Variants in DNAH1 observed in about 807,000 individuals in gnomAD.
DNAH1 encodes the protein dynein axonemal heavy chain 1.
Under a neutral mutation model 484.3 loss-of-function variants are expected in DNAH1, and 327 were observed. The observed-to-expected ratio is 0.68, with a 90% CI of 0.62 to 0.74. DNAH1 has a LOEUF of 0.74. Among genes scored for constraint, DNAH1 ranks in the 30% least tolerant of loss-of-function variants. The pLI, the probability that DNAH1 is intolerant of heterozygous loss-of-function variation, is 0.00. For synonymous variants in DNAH1, 2,192 were observed against 2,191.9 expected, an observed-to-expected ratio of 1.00 and a Z score of 0.00; for missense variants, 5,052 against 5,546.8, an observed-to-expected ratio of 0.91 and a Z score of 2.83.
chr3:52,373,731 G>C, intron 44 of DNAH1: 1 of 1,382,804 alleles, frequency 7.2e-7, no homozygotes, highest in Admixed American at 1.7e-5. Flanking sequence ...CTTTGTTTCT[G>C]ATCCACTAAG....
At chr3:52,341,341 C>A (rs138057902) in intron 8 of DNAH1, among the ~76,000 whole-genome samples, 304 of 152,114 alleles carry the variant, frequency 2.0e-3, no homozygotes, top group African/African-American at 7.1e-3. Context: ...CTTGTGCAAG[C>A]GATTTATGAA....
Position 52,353,872 on chromosome 3 carries a change from G to T in DNAH1, c.3480+239G>T. 1 of 568,356 alleles carries T rather than the reference G, an allele frequency of 1.8e-6. No homozygotes were observed. Among genetic ancestry groups the T allele is most frequent in the Non-Finnish European group, 3.1e-6 (1 of 326,592 alleles). The allele number at this position is 568,356 out of a possible 1,614,324, so 35.2% of individuals were successfully genotyped here. On this transcript the variant is annotated intron_variant, in intron 20 of 77. Transcript: ENST00000420323. This position sits in a 1 kb window ranked among gnomAD's most constrained non-coding sequence, Gnocchi z 5.0. ...TACTCCTCTCAAGAGCCCCAGGAAG[G>T]AGCTAATAGCATTAGCCTCAATTTA...
At chr3:52,324,598 T>G (rs1490825901) in intron 3 of DNAH1, among the ~76,000 whole-genome samples, 1 of 151,932 alleles carries the variant, frequency 6.6e-6, no homozygotes, top group Non-Finnish European at 1.5e-5. Context: ...ACCTGGCTCC[T>G]TCCTGCCGCT....
rs74762885 is a variant in DNAH1 at position 52,322,110 on chromosome 3, G to A, written c.-34-299G>A. Among the ~76,000 whole-genome samples the A allele has an allele frequency of 0.012, 1,795 of 152,256 alleles. 17 individuals carry two copies. Among genetic ancestry groups the A allele is most frequent in the South Asian group, 0.033 (161 of 4,818 alleles). ...AAATGGGGGAGAGGGGTGGACAAGT[G>A]CAGTCGCATGCATGGGTTGGGGGCA... On this transcript the variant is annotated intron_variant, in intron 1 of 77. Coordinates refer to ENST00000420323, the MANE Select transcript of DNAH1 (RefSeq NM_015512.5).
chr3:52,322,389 A>T lies in DNAH1; in HGVS notation c.-34-20A>T. 1 of 1,541,290 alleles carries T rather than the reference A, an allele frequency of 6.5e-7. No homozygotes were observed. The highest frequency in any genetic ancestry group is 8.7e-7 in the Non-Finnish European group (1 of 1,145,042). On this transcript the variant is annotated intron_variant, in intron 1 of 77. Transcript: ENST00000420323. ...GACAGAGGCTGGCAAGGGCTGACTG[A>T]CGCTGGGTTCTTCTCCTAGGAGCTT...
rs755991808 is a variant in DNAH1 at position 52,362,469 on chromosome 3, G to A, written c.5062G>A (p.Ala1688Thr). ...AVFITMNPGY[A>T]GRTELPDNLK... ...GTTTATCACCATGAACCCGGGCTACGCTGGCCGCACGGAGCTGCCTGACAA... is the reference window on the plus strand; with the variant it reads ...GTTTATCACCATGAACCCGGGCTACACTGGCCGCACGGAGCTGCCTGACAA... The change falls in exon 31 of 78, where the codon GCT (alanine) becomes ACT (threonine). Residue 1688 changes from alanine to threonine, a missense_variant. By Grantham distance (58) the Ala-to-Thr change is moderately conservative. Transcript: ENST00000420323. The surrounding 1 kb of genome is among the most constrained non-coding windows in gnomAD (Gnocchi z 5.1). 34 of 1,613,786 alleles carry A rather than the reference G, an allele frequency of 2.1e-5. No homozygotes were observed. The Admixed American group carries it at 4.0e-4, about 19-fold the overall frequency.
In DNAH1 at chr3:52,399,589, A is replaced by G. The variant is rs760175479; in HGVS notation, c.12486A>G (p.Val4162=). The G allele has an allele frequency of 6.2e-7, 1 of 1,613,770 alleles. No individual in the cohort carries two copies. Among genetic ancestry groups the G allele is most frequent in the African/African-American group, 1.3e-5 (1 of 74,934 alleles). ...APSELTQRPQ[V]GCYIHGLFLE... ...CAGAGTTAACACAAAGACCCCAAGT[A>G]GGGTGCTATATCCATGGATTATTCC... The change falls in exon 77 of 78, where the codon GTA becomes GTG. Residue 4162 remains valine, a synonymous_variant. Transcript: ENST00000420323.
chr3:52,317,285 G>A (rs747887874), intron 1 of DNAH1, among the ~76,000 whole-genome samples: 2 of 152,164 alleles, frequency 1.3e-5, no homozygotes, highest in Non-Finnish European at 2.9e-5. Context: ...CCCATGCCAG[G>A]TGCTGAGAGC....
At chr3:52,319,886 T>TC (rs1399194896) in intron 1 of DNAH1, among the ~76,000 whole-genome samples, 4 of 151,852 alleles carry the variant, frequency 2.6e-5, no homozygotes, top group African/African-American at 4.8e-5. Flanking sequence ...CCTCGGTGCA[T>TC]CCCCCCCACT....
intron 36 of DNAH1, among the ~76,000 whole-genome samples, chr3:52,367,970 G>T (rs1052735273): frequency 6.6e-6 from 1 of 152,228 alleles, no homozygotes; most frequent in East Asian, 1.9e-4. Context: ...TAAGGGGAGA[G>T]ACTGGGCTCT....
Position 52,391,568 on chromosome 3 carries a change from C to A in DNAH1, c.10017C>A (p.Thr3339=), listed in dbSNP as rs1200988396. The A allele has an allele frequency of 6.2e-7, 1 of 1,613,890 alleles. No homozygotes were observed. The highest frequency in any genetic ancestry group is 8.5e-7 in the Non-Finnish European group (1 of 1,179,856). ...PNPHYTPEIS[T]KLTLINFTLS... is the part of the protein sequence containing the mutation. ...CACACTACACGCCCGAGATCTCCACCAAACTCACCCTCATCAACTTCACCC... is the reference window on the plus strand; with the variant it reads ...CACACTACACGCCCGAGATCTCCACAAAACTCACCCTCATCAACTTCACCC... Residue 3339 remains threonine (T), a synonymous_variant, in exon 63 of 78, where the codon ACC becomes ACA. Coordinates refer to ENST00000420323, the MANE Select transcript of DNAH1 (RefSeq NM_015512.5).
intron 8 of DNAH1, among the ~76,000 whole-genome samples, chr3:52,339,754 C>T (rs1701863903): frequency 6.6e-6 from 1 of 151,750 alleles, no homozygotes; most frequent in Non-Finnish European, 1.5e-5. Context: ...CAGTATTGCA[C>T]ATTAGTTTTT....
At chr3:52,321,323 T>C (rs1394242929) in intron 1 of DNAH1, among the ~76,000 whole-genome samples, 104 of 151,120 alleles carry the variant, frequency 6.9e-4, no homozygotes, top group African/African-American at 2.4e-3. Context: ...ACTGTGTTGG[T>C]CAGGCTGGTC....
upstream of DNAH1, among the ~76,000 whole-genome samples, chr3:52,313,749 C>T (rs576690518): frequency 7.9e-5 from 12 of 152,234 alleles, 1 homozygote; most frequent in African/African-American, 1.7e-4. Context: ...ACATTCGCTC[C>T]TGGAGGTCTG....
Position 52,384,989 on chromosome 3 carries a change from CG to C in DNAH1, c.8514+13del. The C allele has an allele frequency of 1.2e-6, 2 of 1,607,454 alleles. No homozygotes were observed. The highest frequency in any genetic ancestry group is 1.7e-6 in the Non-Finnish European group (2 of 1,176,756). Reference sequence around the variant, plus strand: ...GCGGCCTCGACAAGGTGGGCCCAGGCGAGTCCCCGTGGACAAGGTCAGCTGC... The same window carrying C: ...GCGGCCTCGACAAGGTGGGCCCAGGCAGTCCCCGTGGACAAGGTCAGCTGC... On this transcript the variant is annotated intron_variant, in intron 53 of 77. Coordinates refer to ENST00000420323, the MANE Select transcript of DNAH1 (RefSeq NM_015512.5).
chr3:52,366,636 C>A, intron 35 of DNAH1, 88 bp downstream of exon 35: 1 of 1,552,390 alleles, frequency 6.4e-7, no homozygotes, highest in South Asian at 1.2e-5. Flanking sequence ...TCCATTTGTG[C>A]CCCTTGGCAT....
rs1184909940 is a variant in DNAH1 at position 52,355,107 on chromosome 3, C to T, written c.3693+52C>T. ...CATCGCTCCCCCACTTCAGAGAGCCCGACCCACAGGTGTCACTGATGGTCT... is the reference window on the plus strand; with the variant it reads ...CATCGCTCCCCCACTTCAGAGAGCCTGACCCACAGGTGTCACTGATGGTCT... On this transcript the variant is annotated intron_variant, in intron 21 of 77. Transcript: ENST00000420323. This position sits in a 1 kb window ranked among gnomAD's most constrained non-coding sequence, Gnocchi z 4.5. The T allele has an allele frequency of 7.0e-6, 11 of 1,563,892 alleles. No individual in the cohort carries two copies. The highest frequency in any genetic ancestry group is 6.7e-5 in the East Asian group (3 of 44,632).
chr3:52,383,758 C>A, intron 51 of DNAH1, 102 bp from the exon 52 acceptor site: 1 of 1,442,176 alleles, frequency 6.9e-7, no homozygotes, highest in East Asian at 2.4e-5. Flanking sequence ...GCTGCTGTGT[C>A]CTGGCTGCCA....
chr3:52,394,591 T>C lies in DNAH1; in HGVS notation c.10753T>C (p.Ser3585Pro). Residue 3585 changes from serine to proline, a missense_variant, in exon 67 of 78, where the codon TCC becomes CCC. This residue lies in a region of DNAH1 where 853 missense variants were observed against 899.0 expected (regional missense o/e 0.95). Transcript: ENST00000420323. ...ACTCTCGAACCTGCCAACCTTTTCC[T>C]CCTTCTCTTCCGACTTCGTGAAGCA... The part of the protein sequence containing the change: ...LALSNLPTFS[S>P]FSSDFVKHLS... 6.2e-7 allele frequency: 1 copy of C among 1,609,694 alleles called. No homozygotes were observed. Among genetic ancestry groups the C allele is most frequent in the East Asian group, 2.2e-5 (1 of 44,806 alleles).
Sources: gnomAD v4.1 joint callset for allele counts (sites outside exome capture counted in the v4.1 genomes callset) on GRCh38, gnomAD v4.1.1 for gene constraint, gnomAD v4.1.1 regional missense constraint, Gnocchi (gnomAD v3.1) non-coding constraint, MANE v1.5 for transcripts, NCBI Gene and HGNC (gene_info 2026-07-23, HGNC 2026-07-21) for gene names.